Variants in CELSR1 observed in about 807,000 individuals in gnomAD.
CELSR1 encodes adhesion G protein-coupled receptor C1.
In CELSR1, 110 loss-of-function variants were observed where a neutral mutation model predicts 249.1. The observed-to-expected ratio is 0.44, with a 90% CI of 0.38 to 0.52. CELSR1 has a LOEUF of 0.52. CELSR1 is among the 20% of genes least tolerant of loss of function. The probability of loss-of-function intolerance (pLI) is 0.00; values close to 1 mark genes in which losing one functional copy is unlikely to be tolerated. For synonymous variants in CELSR1, 2,113 were observed against 1,900.0 expected (o/e 1.11, Z -2.92); for missense variants, 4,109 against 4,296.4 (o/e 0.96, Z 1.22).
intron 25 of CELSR1, among the ~76,000 whole-genome samples, chr22:46,372,378 A>C (rs1240593616): frequency 1.3e-4 from 7 of 53,246 alleles, no homozygotes; most frequent in African/African-American, 4.1e-4. Flanking sequence ...CCATCCACTC[A>C]CTCACCCCAT....
At chr22:46,382,289 ATTT>A (rs2078986872) in intron 20 of CELSR1, among the ~76,000 whole-genome samples, 1 of 151,906 alleles carries the variant, frequency 6.6e-6, no homozygotes, top group Non-Finnish European at 1.5e-5. Context: ...TTATTTATTT[ATTT>A]TTTGAGACAG....
chr22:46,423,600 C>G lies in CELSR1; in HGVS notation c.4611+9793G>C, dbSNP rs1156635141. ...AGCCTGGGCAACAGGAGCGAAACTT[C>G]GTCTCAGAAAAAAAAAAAAAAAAAG... On this transcript the variant is annotated intron_variant, in intron 5 of 34. Coordinates refer to ENST00000674500, the MANE Select transcript of CELSR1 (RefSeq NM_001378328.1). This position sits in a 1 kb window ranked among gnomAD's most constrained non-coding sequence, Gnocchi z 5.6. Among the ~76,000 whole-genome samples, 1 of 127,622 alleles carries G rather than the reference C, an allele frequency of 7.8e-6. No individual in the cohort carries two copies. Among genetic ancestry groups the G allele is most frequent in the African/African-American group, 3.6e-5 (1 of 28,152 alleles). 83.7% of individuals were successfully genotyped at this position (127,622 alleles called of 152,430 possible).
At chr22:46,385,211 C>T (rs193139142) in intron 19 of CELSR1, among the ~76,000 whole-genome samples, 3 of 152,336 alleles carry the variant, frequency 2.0e-5, no homozygotes, top group African/African-American at 7.2e-5. Flanking sequence ...CCTCCCACCT[C>T]AGCCTCAAGT....
At chr22:46,383,724 T>C (rs1339526576) in intron 20 of CELSR1, among the ~76,000 whole-genome samples, 1 of 151,752 alleles carries the variant, frequency 6.6e-6, no homozygotes, top group East Asian at 1.9e-4. Flanking sequence ...AGAGATGGAG[T>C]TTCTCTATGT....
At position 46,384,218 on chromosome 22, in the gene CELSR1, G is replaced by A. The variant is rs372835302; in HGVS notation, c.6883+325C>T. Among the ~76,000 whole-genome samples, 14 of 152,356 alleles carry A rather than the reference G, an allele frequency of 9.2e-5. No homozygotes were observed. The East Asian group carries it at 2.3e-3, about 25-fold the overall frequency. On this transcript the variant is annotated intron_variant, in intron 20 of 34. Transcript: ENST00000674500. ...CCCAAAGTGCTGGGATTACAGGCGT[G>A]AGCCGCCGCGCCTGGCCTGGATTTT...
intron 1 of CELSR1, among the ~76,000 whole-genome samples, chr22:46,528,567 G>T (rs2080760961): frequency 6.6e-6 from 1 of 152,156 alleles, no homozygotes; most frequent in African/African-American, 2.4e-5. Flanking sequence ...AAAATGACGT[G>T]GCCCGGCCAC....
Position 46,409,242 on chromosome 22 carries a change from G to C in CELSR1, c.5060-80C>G. On this transcript the variant is annotated intron_variant, in intron 8 of 34. Coordinates refer to ENST00000674500, the MANE Select transcript of CELSR1 (RefSeq NM_001378328.1). This position sits in a 1 kb window ranked among gnomAD's most constrained non-coding sequence, Gnocchi z 9.8. ...ACTTGGCTGCAGGGGCGGGGGATGG[G>C]CCTGCAGGCTAGGCCTGGGCCTTTT... 1 of 1,467,464 alleles carries C rather than the reference G, an allele frequency of 6.8e-7. No individual in the cohort carries two copies. The highest frequency in any genetic ancestry group is 1.9e-5 in the Admixed American group (1 of 53,000). 90.9% of individuals were successfully genotyped at this position (1,467,464 alleles called of 1,614,324 possible). A position where few individuals can be genotyped will look rare whatever the true frequency, so the allele number is the denominator to read the frequency against.
At position 46,500,335 on chromosome 22, in the gene CELSR1, T is replaced by G. The variant is rs2147730408; in HGVS notation, c.3544+33292A>C. 6.6e-6 allele frequency among the ~76,000 whole-genome samples: 1 copy of G among 152,276 alleles called. No homozygotes were observed. The highest frequency in any genetic ancestry group is 2.4e-5 in the African/African-American group (1 of 41,554). On this transcript the variant is annotated intron_variant, in intron 1 of 34. Coordinates refer to ENST00000674500, the MANE Select transcript of CELSR1 (RefSeq NM_001378328.1). The surrounding 1 kb of genome is among the most constrained non-coding windows in gnomAD (Gnocchi z 4.9). ...TTTAACTGCCTGCTGGAGATGACCT[T>G]TTATATGGAGCCGCTGACAGCCCCC...
intron 1 of CELSR1, among the ~76,000 whole-genome samples, chr22:46,489,812 T>C (rs2080350213): frequency 6.6e-6 from 1 of 151,810 alleles, no homozygotes; most frequent in South Asian, 2.1e-4. Flanking sequence ...TGAGAATTGC[T>C]TGAACCCGGG....
chr22:46,439,531 C>T, intron 2 of CELSR1, 120 bp from the exon 3 acceptor site: 6 of 764,482 alleles, frequency 7.8e-6, no homozygotes, highest in African/African-American at 3.5e-5. Flanking sequence ...AAAGAAAACC[C>T]GACTGACTCC....
rs895010538 is a variant in CELSR1 at position 46,407,899 on chromosome 22, A to G, written c.5226+1097T>C. Among the ~76,000 whole-genome samples the G allele has an allele frequency of 6.6e-6, 1 of 152,222 alleles. No homozygotes were observed. The highest frequency in any genetic ancestry group is 1.5e-5 in the Non-Finnish European group (1 of 68,040). Reference sequence around the variant, plus strand: ...TACAGGAGAGCGCCCGTGCCCCGCCATCACTACAGACGAGAATGACCTTCA... The same window carrying G: ...TACAGGAGAGCGCCCGTGCCCCGCCGTCACTACAGACGAGAATGACCTTCA... On this transcript the variant is annotated intron_variant, in intron 9 of 34. Coordinates refer to ENST00000674500, the MANE Select transcript of CELSR1 (RefSeq NM_001378328.1). This position sits in a 1 kb window ranked among gnomAD's most constrained non-coding sequence, Gnocchi z 4.8.
rs1437692118 is a variant in CELSR1, at chr22:46,454,986, C to T, written c.4183+8721G>A. Among the ~76,000 whole-genome samples the T allele has an allele frequency of 6.6e-6, 1 of 152,174 alleles. No homozygotes were observed. The highest frequency in any genetic ancestry group is 2.4e-5 in the African/African-American group (1 of 41,444). On this transcript the variant is annotated intron_variant, in intron 2 of 34. Coordinates refer to ENST00000674500, the MANE Select transcript of CELSR1 (RefSeq NM_001378328.1). The surrounding 1 kb of genome is among the most constrained non-coding windows in gnomAD (Gnocchi z 5.1). Reference sequence around the variant, plus strand: ...GAGATCATTAGGGTGGGTCCTAATCCAGTGACCGGTGTCCTTACAATGAGA... The same window carrying T: ...GAGATCATTAGGGTGGGTCCTAATCTAGTGACCGGTGTCCTTACAATGAGA...
Position 46,395,439 on chromosome 22 carries a change from T to C in CELSR1, c.5843+1166A>G, listed in dbSNP as rs2079137582. Among the ~76,000 whole-genome samples the C allele has an allele frequency of 6.6e-6, 1 of 152,006 alleles. No homozygotes were observed. The highest frequency in any genetic ancestry group is 2.4e-5 in the African/African-American group (1 of 41,358). On this transcript the variant is annotated intron_variant, in intron 13 of 34. Transcript: ENST00000674500. The surrounding 1 kb of genome is among the most constrained non-coding windows in gnomAD (Gnocchi z 5.5). ...GATCAGCCTCATCCCCTTACTCCTC[T>C]CCAGCTTGGCTCTGTTGCTTTCGCT...
At chr22:46,531,159 G>A (rs922554051) in intron 1 of CELSR1, among the ~76,000 whole-genome samples, 8 of 151,986 alleles carry the variant, frequency 5.3e-5, no homozygotes, top group Non-Finnish European at 1.2e-4. Context: ...AATCCTAGTC[G>A]AATGGTCTGA....
intron 31 of CELSR1, 22 bp from the exon 32 acceptor site, chr22:46,365,402 G>A (rs1602019332): frequency 6.2e-7 from 1 of 1,611,108 alleles, no homozygotes; most frequent in Non-Finnish European, 8.5e-7. Context: ...CGGGGGACAG[G>A]GAGGCTCAGG....
intron 1 of CELSR1, among the ~76,000 whole-genome samples, chr22:46,497,794 G>C (rs765839608): frequency 7.9e-5 from 12 of 152,010 alleles, no homozygotes; most frequent in Non-Finnish European, 1.0e-4. Flanking sequence ...ATTCCTATGG[G>C]GTTTTCTTTT....
At position 46,536,824 on chromosome 22, in the gene CELSR1, G is replaced by A; in HGVS notation, c.347C>T (p.Ala116Val). ...ACCGGTTCCGCAGAGCCGGGCACGG[G>A]CTCCGCAGCCGGGAAGGTGCGTGCG... is the stretch of plus-strand genomic sequence containing the variant. ...RARTHLPGCG[A>V]RARLCGTGAR... Residue 116 changes from alanine (A) to valine (V), a missense_variant, in exon 1 of 35, where the codon GCC becomes GTC. Physicochemically the swap from Ala to Val is moderately conservative, Grantham distance 64 (BLOSUM62 0). This residue lies in a region of CELSR1 where 673 missense variants were observed against 636.8 expected (regional missense o/e 1.06). Coordinates refer to ENST00000674500, the MANE Select transcript of CELSR1 (RefSeq NM_001378328.1). 2 of 1,208,824 alleles carry A rather than the reference G, an allele frequency of 1.7e-6. No homozygotes were observed. The highest frequency in any genetic ancestry group is 2.1e-6 in the Non-Finnish European group (2 of 973,818). 74.9% of individuals were successfully genotyped at this position (1,208,824 alleles called of 1,614,324 possible).
chr22:46,392,819 G>A (rs1244629488), intron 14 of CELSR1, among the ~76,000 whole-genome samples: 1 of 152,164 alleles, frequency 6.6e-6, no homozygotes, highest in Non-Finnish European at 1.5e-5. Flanking sequence ...TCGGCCTCCA[G>A]AGTAGCTGTG....
rs1011742328 is a variant in CELSR1 at position 46,537,368 on chromosome 22, A to G, written c.-198T>C. Among the ~76,000 whole-genome samples, 2 of 147,784 alleles carry G rather than the reference A, an allele frequency of 1.4e-5. No individual in the cohort carries two copies. The highest frequency in any genetic ancestry group is 6.7e-5 in the Admixed American group (1 of 14,952). ...CCTCCCCCGCAGCTTCCACTTCGAG[A>G]GCACTTTGCGAAAGTTTGCGAAGTT... is the stretch of plus-strand genomic sequence containing the variant. On this transcript the variant is annotated 5_prime_UTR_variant, in exon 1 of 35. Coordinates refer to ENST00000674500, the MANE Select transcript of CELSR1 (RefSeq NM_001378328.1). This position sits in a 1 kb window ranked among gnomAD's most constrained non-coding sequence, Gnocchi z 5.8.
Sources: allele counts gnomAD v4.1 joint callset (sites outside exome capture counted in the v4.1 genomes callset), GRCh38; gene constraint gnomAD v4.1.1; regional missense constraint gnomAD v4.1.1; non-coding constraint Gnocchi (gnomAD v3.1); transcripts MANE v1.5; gene names NCBI Gene and HGNC (gene_info 2026-07-23, HGNC 2026-07-21).